The following BMPR2 variants were observed in gnomAD, a reference collection of about 807,000 sequenced individuals.
BMPR2 encodes the protein bone morphogenetic protein receptor type 2.
In BMPR2, 29 loss-of-function variants were observed where a neutral mutation model predicts 100.8. That is an observed-to-expected ratio of 0.29 (90% CI 0.21 to 0.39). BMPR2 has a LOEUF of 0.39. Ranked by LOEUF, BMPR2 falls within the 10% of genes least tolerant of loss-of-function variation. The pLI is 1.00. For missense variants in BMPR2, 1,011 were observed against 1,274.5 expected, an observed-to-expected ratio of 0.79 and a Z score of 3.15; for synonymous variants, 382 against 442.3, an observed-to-expected ratio of 0.86 and a Z score of 1.71.
chr2:202,492,156 G>A (rs1022711716), intron 3 of BMPR2, among the ~76,000 whole-genome samples: 21 of 152,086 alleles, frequency 1.4e-4, no homozygotes, highest in African/African-American at 5.1e-4. Flanking sequence ...TACCACAGAA[G>A]TCAGAATAGT....
chr2:202,464,528 C>G (rs1692281290), intron 1 of BMPR2, among the ~76,000 whole-genome samples: 1 of 151,882 alleles, frequency 6.6e-6, no homozygotes, highest in Non-Finnish European at 1.5e-5. Flanking sequence ...ATTTGGACAC[C>G]AAAATTATTT....
intron 1 of BMPR2, among the ~76,000 whole-genome samples, chr2:202,424,368 C>G (rs1192518284): frequency 7.3e-6 from 1 of 136,652 alleles, no homozygotes; most frequent in African/African-American, 2.9e-5. Context: ...AGCAGGACTT[C>G]GTCTGAAGAA....
At chr2:202,387,212 A>C (rs1449272664) in intron 1 of BMPR2, among the ~76,000 whole-genome samples, 1 of 152,212 alleles carries the variant, frequency 6.6e-6, no homozygotes, top group Non-Finnish European at 1.5e-5. Context: ...ATTAGGTTTA[A>C]GATACCTTAT....
chr2:202,501,060 C>T (rs1055157119), intron 3 of BMPR2, among the ~76,000 whole-genome samples: 24 of 152,282 alleles, frequency 1.6e-4, no homozygotes, highest in African/African-American at 2.2e-4. Context: ...GCTACCAGTT[C>T]GGAAGCCTCG....
chr2:202,445,104 T>A (rs565913356), intron 1 of BMPR2, among the ~76,000 whole-genome samples: 2 of 150,560 alleles, frequency 1.3e-5, no homozygotes, highest in South Asian at 4.2e-4. Flanking sequence ...TTTTTTAAAG[T>A]GTAGTAAATA....
intron 3 of BMPR2, among the ~76,000 whole-genome samples, chr2:202,497,748 C>T (rs1693072302): frequency 6.6e-6 from 1 of 152,196 alleles, no homozygotes; most frequent in Admixed American, 6.5e-5. Flanking sequence ...CACCTCTTTT[C>T]TCTGAGGCTA....
chr2:202,390,446 C>T (rs1309172078), intron 1 of BMPR2, among the ~76,000 whole-genome samples: 2 of 151,852 alleles, frequency 1.3e-5, no homozygotes, highest in Admixed American at 1.3e-4. Context: ...CATCCTCCTG[C>T]CTCAGCCCCC....
At chr2:202,448,922 TTGGTG>T (rs1162613897) in intron 1 of BMPR2, among the ~76,000 whole-genome samples, 2 of 134,138 alleles carry the variant, frequency 1.5e-5, no homozygotes, top group African/African-American at 2.9e-5. Flanking sequence ...CAGTTTAGAA[TTGGTG>T]TGTGTGTGTG....
rs116725130 is a variant in BMPR2 at position 202,556,630 on chromosome 2, T to C, written c.2866+99T>C. The C allele has an allele frequency of 4.4e-5, 59 of 1,352,704 alleles. No homozygotes were observed. The African/African-American group carries it at 7.2e-4, about 17-fold the overall frequency. The allele number at this position is 1,352,704 out of a possible 1,614,324, so 83.8% of individuals were successfully genotyped here. On this transcript the variant is annotated intron_variant, in intron 12 of 12. Coordinates refer to ENST00000374580, the MANE Select transcript of BMPR2 (RefSeq NM_001204.7). ...ATAGATATATTTCAACTAGTGATTA[T>C]TTACCTTTACCACTTTTGTAAATGA...
At chr2:202,447,173 T>C (rs995529883) in intron 1 of BMPR2, among the ~76,000 whole-genome samples, 1 of 149,758 alleles carries the variant, frequency 6.7e-6, no homozygotes, top group Non-Finnish European at 1.5e-5. Context: ...CTGGACATGG[T>C]GGCAGATGCC....
chr2:202,518,727 C>G, intron 5 of BMPR2, 95 bp from the exon 6 acceptor site: 1 of 974,490 alleles, frequency 1.0e-6, no homozygotes, highest in Non-Finnish European at 1.6e-6. Context: ...CAACAGAGAG[C>G]TGTAGCATTC....
At chr2:202,496,778 C>A (rs533091614) in intron 3 of BMPR2, among the ~76,000 whole-genome samples, 1 of 152,254 alleles carries the variant, frequency 6.6e-6, no homozygotes, top group Non-Finnish European at 1.5e-5. Context: ...TCGCTCTCAG[C>A]GCCTCCTCTG....
At chr2:202,558,892 C>CAAAAA (rs538329842) in intron 12 of BMPR2, among the ~76,000 whole-genome samples, 1 of 81,470 alleles carries the variant, frequency 1.2e-5, no homozygotes. Flanking sequence ...AACTCCATCT[C>CAAAAA]AAAAAAAAAA....
intron 1 of BMPR2, among the ~76,000 whole-genome samples, chr2:202,382,426 G>C (rs894615396): frequency 3.9e-5 from 6 of 151,956 alleles, no homozygotes; most frequent in African/African-American, 1.2e-4. Context: ...CCTTACCTCA[G>C]CTGATCCACC....
intron 1 of BMPR2, among the ~76,000 whole-genome samples, chr2:202,444,799 A>T (rs976479908): frequency 1.3e-5 from 2 of 150,606 alleles, no homozygotes; most frequent in Non-Finnish European, 2.9e-5. Flanking sequence ...TTATTTATTT[A>T]TTTTTTGAGA....
chr2:202,501,243 G>A (rs972534238), intron 3 of BMPR2, among the ~76,000 whole-genome samples: 12 of 152,248 alleles, frequency 7.9e-5, no homozygotes, highest in South Asian at 6.2e-4. Flanking sequence ...GCTTATCCTC[G>A]CCCTAAGACA....
In BMPR2 at chr2:202,557,160, G is replaced by A. The variant is rs543217348; in HGVS notation, c.2866+629G>A. Among the ~76,000 whole-genome samples, 24 of 151,234 alleles carry A rather than the reference G, an allele frequency of 1.6e-4. No individual in the cohort carries two copies. In the East Asian group the frequency reaches 3.2e-3, roughly 20 times the overall value. ...AGCCTGACCAACATGGTGAAACCCCGTCTCTACTAAAAATGCAAAAATGGC... is the reference window on the plus strand; with the variant it reads ...AGCCTGACCAACATGGTGAAACCCCATCTCTACTAAAAATGCAAAAATGGC... On this transcript the variant is annotated intron_variant, in intron 12 of 12. Coordinates refer to ENST00000374580, the MANE Select transcript of BMPR2 (RefSeq NM_001204.7).
At chr2:202,476,080 TA>T (rs56243938) in intron 3 of BMPR2, among the ~76,000 whole-genome samples, 17,781 of 95,318 alleles carry the variant, frequency 0.19, 1,513 homozygotes, top group Non-Finnish European at 0.22. Flanking sequence ...GTCTCAAGGT[TA>T]AAAAAAAAAA....
chr2:202,511,462 G>A, intron 3 of BMPR2, among the ~76,000 whole-genome samples: 1 of 152,124 alleles, frequency 6.6e-6, no homozygotes, highest in East Asian at 1.9e-4. Context: ...GTAATTCCAT[G>A]TTTAACTTTT....
Sources: allele counts gnomAD v4.1 joint callset (sites outside exome capture counted in the v4.1 genomes callset), GRCh38; gene constraint gnomAD v4.1.1; transcripts MANE v1.5; gene names NCBI Gene and HGNC (gene_info 2026-07-23, HGNC 2026-07-21).